KCNH8: variants seen among roughly 807,000 people sequenced by gnomAD.
KCNH8 encodes voltage-gated delayed rectifier potassium channel KCNH8.
In KCNH8, 70 loss-of-function variants were observed where a neutral mutation model predicts 103.6. That is an observed-to-expected ratio of 0.68 (90% CI 0.56 to 0.82). The LOEUF (loss-of-function observed/expected upper bound fraction) is 0.82. Among genes scored for constraint, KCNH8 ranks in the 40% least tolerant of loss-of-function variants. The pLI, the probability that KCNH8 is intolerant of heterozygous loss-of-function variation, is 0.00. For missense variants in KCNH8, 1,217 were observed against 1,329.9 expected, an observed-to-expected ratio of 0.92 and a Z score of 1.32; for synonymous variants, 498 against 489.4, an observed-to-expected ratio of 1.02 and a Z score of -0.23.
At position 19,504,195 on chromosome 3, in the gene KCNH8, G is replaced by A. The variant is rs548876166; in HGVS notation, c.2041-6168G>A. Reference sequence around the variant, plus strand: ...TCACCATATATAAAAGTCAACTCAAGATGGATTAAAGACATGTAAAACCCA... The same window carrying A: ...TCACCATATATAAAAGTCAACTCAAAATGGATTAAAGACATGTAAAACCCA... On this transcript the variant is annotated intron_variant, in intron 11 of 15. Transcript: ENST00000328405. Among the ~76,000 whole-genome samples the A allele has an allele frequency of 1.1e-4, 16 of 152,242 alleles. No individual in the cohort carries two copies. The South Asian group carries it at 3.3e-3, about 32-fold the overall frequency.
At chr3:19,419,830 G>C (rs192370383) in intron 7 of KCNH8, among the ~76,000 whole-genome samples, 1 of 151,764 alleles carries the variant, frequency 6.6e-6, no homozygotes. Context: ...AGTACTAAAG[G>C]CAAAAATAAA....
At chr3:19,450,538 A>G (rs1405617839) in intron 9 of KCNH8, 1 of 517,472 alleles carries the variant, frequency 1.9e-6, no homozygotes, top group Non-Finnish European at 3.5e-6. Flanking sequence ...TTATTCGATC[A>G]GGTGGATTTA....
intron 5 of KCNH8, among the ~76,000 whole-genome samples, chr3:19,385,789 G>A (rs554824294): frequency 4.6e-5 from 7 of 152,028 alleles, no homozygotes; most frequent in Admixed American, 4.6e-4. Flanking sequence ...TGCCTCATAA[G>A]CAATGAAAAA....
chr3:19,290,610 C>G (rs998284563), intron 3 of KCNH8, among the ~76,000 whole-genome samples: 15 of 152,258 alleles, frequency 9.9e-5, no homozygotes, highest in Admixed American at 7.8e-4. Context: ...CTTGATCATG[C>G]TGGATAACGT....
At chr3:19,493,015 A>C (rs1033568812) in intron 11 of KCNH8, among the ~76,000 whole-genome samples, 1 of 151,916 alleles carries the variant, frequency 6.6e-6, no homozygotes, top group African/African-American at 2.4e-5. Context: ...TCTTGATTTG[A>C]CTTTCAGCCT....
Position 19,500,086 on chromosome 3 carries a change from G to A in KCNH8, c.2041-10277G>A, listed in dbSNP as rs149146591. Among the ~76,000 whole-genome samples the A allele has an allele frequency of 2.8e-3, 428 of 152,174 alleles. 1 individual carries two copies. The highest frequency in any genetic ancestry group is 5.0e-3 in the Non-Finnish European group (340 of 67,998). On this transcript the variant is annotated intron_variant, in intron 11 of 15. Coordinates refer to ENST00000328405, the MANE Select transcript of KCNH8 (RefSeq NM_144633.3). The stretch of plus-strand genomic sequence containing the variant: ...CACACATAGGCTCAAATTAAAGGAC[G>A]GAGGAAGATCTACTAAGCAAATGGA...
At chr3:19,398,030 A>C (rs181819272) in intron 7 of KCNH8, among the ~76,000 whole-genome samples, 4 of 151,968 alleles carry the variant, frequency 2.6e-5, no homozygotes, top group Non-Finnish European at 5.9e-5. Flanking sequence ...AAAATTTATC[A>C]TACAAATATT....
At chr3:19,227,784 A>G (rs1370620259) in intron 1 of KCNH8, among the ~76,000 whole-genome samples, 2 of 152,206 alleles carry the variant, frequency 1.3e-5, no homozygotes, top group African/African-American at 4.8e-5. Context: ...AGCGGCAACA[A>G]GGGTCAAAGT....
intron 3 of KCNH8, among the ~76,000 whole-genome samples, chr3:19,318,914 G>A (rs568937497): frequency 2.0e-5 from 3 of 151,748 alleles, no homozygotes; most frequent in Non-Finnish European, 4.4e-5. Context: ...GTAATGTTGA[G>A]CATTTTTCCA....
chr3:19,323,135 T>C (rs2065372800), intron 3 of KCNH8, among the ~76,000 whole-genome samples: 1 of 152,152 alleles, frequency 6.6e-6, no homozygotes, highest in Non-Finnish European at 1.5e-5. Flanking sequence ...CTTTCTTTGG[T>C]GCGTCCATGA....
chr3:19,256,794 A>G (rs2125255331), intron 2 of KCNH8, among the ~76,000 whole-genome samples: 1 of 152,232 alleles, frequency 6.6e-6, no homozygotes. Flanking sequence ...GGTAGAAATC[A>G]TTAAAGGCAC....
chr3:19,157,573 A>G (rs1009635734), intron 1 of KCNH8, among the ~76,000 whole-genome samples: 1 of 152,064 alleles, frequency 6.6e-6, no homozygotes, highest in Non-Finnish European at 1.5e-5. Context: ...AAGTTATAAA[A>G]TTATTTGGTA....
chr3:19,223,442 C>T (rs2063897005), intron 1 of KCNH8, among the ~76,000 whole-genome samples: 1 of 152,096 alleles, frequency 6.6e-6, no homozygotes, highest in African/African-American at 2.4e-5. Flanking sequence ...GTTTTGGGGA[C>T]ATATTACATA....
At chr3:19,397,461 A>G (rs2066537013) in intron 7 of KCNH8, among the ~76,000 whole-genome samples, 1 of 151,732 alleles carries the variant, frequency 6.6e-6, no homozygotes, top group African/African-American at 2.4e-5. Flanking sequence ...GATTATCAAG[A>G]ATAAACAAAC....
At chr3:19,392,095 C>T (rs2066445634) in intron 6 of KCNH8, among the ~76,000 whole-genome samples, 2 of 149,906 alleles carry the variant, frequency 1.3e-5, no homozygotes, top group Admixed American at 1.3e-4. Flanking sequence ...ATATAATATA[C>T]AATTATATTA....
chr3:19,276,175 A>ATGTGTGTGTG (rs59768467), intron 2 of KCNH8, among the ~76,000 whole-genome samples: 129 of 141,986 alleles, frequency 9.1e-4, no homozygotes, highest in Admixed American at 1.9e-3. Flanking sequence ...CAATATGTAT[A>ATGTGTGTGTG]TGTGTGTGTG....
intron 11 of KCNH8, among the ~76,000 whole-genome samples, chr3:19,470,123 T>A (rs1221521883): frequency 5.3e-5 from 8 of 152,170 alleles, no homozygotes; most frequent in Non-Finnish European, 1.5e-5. Context: ...AAAAGGGCCA[T>A]CCTGGGAATC....
chr3:19,180,259 GCC>G (rs2063438434), intron 1 of KCNH8, among the ~76,000 whole-genome samples: 2 of 7,962 alleles, frequency 2.5e-4, no homozygotes, highest in Admixed American at 3.4e-3. Context: ...GACAGACTTG[GCC>G]CTTCAAAGGG....
At chr3:19,420,440 T>C (rs990522324) in intron 7 of KCNH8, among the ~76,000 whole-genome samples, 4 of 152,234 alleles carry the variant, frequency 2.6e-5, no homozygotes, top group Non-Finnish European at 5.9e-5. Flanking sequence ...CTTTTTTGAC[T>C]GTGACGCACA....
Sources: allele counts gnomAD v4.1 joint callset (sites outside exome capture counted in the v4.1 genomes callset), GRCh38; gene constraint gnomAD v4.1.1; transcripts MANE v1.5; gene names NCBI Gene and HGNC (gene_info 2026-07-23, HGNC 2026-07-21).